COX7C: variants seen among roughly 807,000 people sequenced by gnomAD.
COX7C encodes cytochrome c oxidase subunit 7C, mitochondrial.
In COX7C, 1 loss-of-function variant was observed where a neutral mutation model predicts 6.4. That is an observed-to-expected ratio of 0.16 (90% CI 0.06 to 0.74). The LOEUF is 0.74. Among genes scored for constraint, COX7C ranks in the 30% least tolerant of loss-of-function variants. The probability of loss-of-function intolerance (pLI) is 0.78; values close to 1 mark genes in which losing one functional copy is unlikely to be tolerated. For missense variants in COX7C, 54 were observed against 73.7 expected, an observed-to-expected ratio of 0.73 and a Z score of 0.98; for synonymous variants, 24 against 28.9, an observed-to-expected ratio of 0.83 and a Z score of 0.54.
Position 86,618,029 on chromosome 5 carries a change from G to T in COX7C, c.-27G>T, listed in dbSNP as rs1750033947. ...CATTTCATCTGTCCTCATTCTCTGCGCCTTTCGCAGAGCTTCCAGCAGCGG... is the reference window on the plus strand; with the variant it reads ...CATTTCATCTGTCCTCATTCTCTGCTCCTTTCGCAGAGCTTCCAGCAGCGG... On this transcript the variant is annotated 5_prime_UTR_variant, in exon 1 of 3. Coordinates refer to ENST00000247655, the MANE Select transcript of COX7C (RefSeq NM_001867.3). The T allele has an allele frequency of 1.2e-6, 2 of 1,611,788 alleles. No homozygotes were observed. The highest frequency in any genetic ancestry group is 8.5e-7 in the Non-Finnish European group (1 of 1,179,048).
chr5:86,618,984 AAAAAAAAAAG>A (rs886464152), intron 1 of COX7C, among the ~76,000 whole-genome samples: 2 of 151,790 alleles, frequency 1.3e-5, no homozygotes, highest in Non-Finnish European at 2.9e-5. Context: ...GTCTCAAAAA[AAAAAAAAAAG>A]AAAAAAAAAG....
chr5:86,620,350 A>T (rs1750095521), intron 2 of COX7C: 2 of 160,490 alleles, frequency 1.2e-5, no homozygotes, highest in Non-Finnish European at 2.8e-5. Context: ...TTCATATTGG[A>T]AGGTTAGCAG....
At position 86,619,499 on chromosome 5, in the gene COX7C, A is replaced by G. The variant is rs1750073225; in HGVS notation, c.*27+3A>G. On this transcript the variant is annotated splice_donor_region_variant and intron_variant, in intron 2 of 2. Coordinates refer to ENST00000247655, the MANE Select transcript of COX7C (RefSeq NM_001867.3). The stretch of plus-strand genomic sequence containing the variant: ...GTTTCAGTTCCTCCATTTAACAGGT[A>G]GTTAGTGGATTTCTAATCATGTTAA... The G allele has an allele frequency of 3.6e-6, 5 of 1,392,966 alleles. No individual in the cohort carries two copies. The highest frequency in any genetic ancestry group is 5.1e-6 in the Non-Finnish European group (5 of 978,720). The allele number at this position is 1,392,966 out of a possible 1,614,324, so 86.3% of individuals were successfully genotyped here.
intron 2 of COX7C, 60 bp downstream of exon 2, chr5:86,619,556 C>T (rs908088582): frequency 2.4e-6 from 2 of 838,248 alleles, no homozygotes; most frequent in African/African-American, 3.3e-5. Context: ...GCCTCTTCCC[C>T]ATCACCCAGA....
Position 86,617,946 on chromosome 5 carries a change from C to G in COX7C, c.-110C>G. ...CCGCCCCATTTCCCATCTTTCTTTT[C>G]AGTCCTTGCGCACCGGGGAACAAGG... On this transcript the variant is annotated 5_prime_UTR_variant, in exon 1 of 3. Transcript: ENST00000247655. The G allele has an allele frequency of 2.1e-6, 2 of 966,088 alleles. No homozygotes were observed. Among genetic ancestry groups the G allele is most frequent in the South Asian group, 2.9e-5 (2 of 69,162 alleles). 59.8% of individuals were successfully genotyped at this position (966,088 alleles called of 1,614,324 possible). A position where few individuals can be genotyped will look rare whatever the true frequency, so the allele number is the denominator to read the frequency against.
rs560101369 is a variant in COX7C at position 86,618,046 on chromosome 5, C to T, written c.-10C>T. 8.1e-6 allele frequency: 13 copies of T among 1,613,438 alleles called. No individual in the cohort carries two copies. In the East Asian group the frequency reaches 1.8e-4, roughly 22 times the overall value. On this transcript the variant is annotated 5_prime_UTR_variant, in exon 1 of 3. Coordinates refer to ENST00000247655, the MANE Select transcript of COX7C (RefSeq NM_001867.3). ...TTCTCTGCGCCTTTCGCAGAGCTTC[C>T]AGCAGCGGTATGTTGGGCCAGAGCA...
At chr5:86,618,235 G>A in intron 1 of COX7C, 105 bp downstream of exon 1, 5 of 1,038,912 alleles carry the variant, frequency 4.8e-6, no homozygotes, top group East Asian at 2.4e-5. Context: ...ATGATAGCCA[G>A]AAACCAGGCT....
chr5:86,619,332 TTTTCTC>T lies in COX7C; in HGVS notation c.76-17_76-12del, dbSNP rs1346361159. 4.2e-6 allele frequency: 6 copies of T among 1,443,084 alleles called. No homozygotes were observed. Among genetic ancestry groups the T allele is most frequent in the Middle Eastern group, 2.3e-4 (1 of 4,298 alleles). 89.4% of individuals were successfully genotyped at this position (1,443,084 alleles called of 1,614,324 possible). A position where few individuals can be genotyped will look rare whatever the true frequency, so the allele number is the denominator to read the frequency against. ...GATTTGAGATTCAATTTCGATTACT[TTTTCTC>T]TTTTTTTCCAACAGAATTTGCCATT... On this transcript the variant is annotated splice_polypyrimidine_tract_variant and intron_variant, in intron 1 of 2. Coordinates refer to ENST00000247655, the MANE Select transcript of COX7C (RefSeq NM_001867.3).
rs138333497 is a variant in COX7C at position 86,618,152 on chromosome 5, C to T, written c.75+22C>T. 2.5e-4 allele frequency: 406 copies of T among 1,612,280 alleles called. 1 individual carries two copies. The highest frequency in any genetic ancestry group is 1.3e-3 in the Middle Eastern group (8 of 6,060). On this transcript the variant is annotated intron_variant, in intron 1 of 2. Transcript: ENST00000247655. Reference sequence around the variant, plus strand: ...GAAGGTTAGTGTGTAAGGGGCACGGCTTCGTTGGGGGAGGGGGCGCTTGGC... The same window carrying T: ...GAAGGTTAGTGTGTAAGGGGCACGGTTTCGTTGGGGGAGGGGGCGCTTGGC...
chr5:86,619,371 G>GA lies in COX7C; in HGVS notation c.98dup (p.Asn33LysfsTer8). 1.9e-6 allele frequency: 3 copies of GA among 1,612,248 alleles called. No individual in the cohort carries two copies. Among genetic ancestry groups the GA allele is most frequent in the Non-Finnish European group, 2.5e-6 (3 of 1,179,342 alleles). The stretch of plus-strand genomic sequence containing the variant: ...CCAACAGAATTTGCCATTTTCAGTG[G>GA]AAAACAAGTGGTCGTTACTAGCTAA... On this transcript the variant is annotated frameshift_variant, in exon 2 of 3. Transcript: ENST00000247655. LOFTEE classifies it high-confidence loss of function.
At chr5:86,618,210 G>A in intron 1 of COX7C, 80 bp downstream of exon 1, 3 of 1,332,114 alleles carry the variant, frequency 2.3e-6, no homozygotes, top group South Asian at 2.4e-5. Context: ...CCGCCTCCGG[G>A]CTGTGGCGTG....
At chr5:86,618,234 A>G (rs1306174791) in intron 1 of COX7C, 104 bp downstream of exon 1, 3 of 1,049,968 alleles carry the variant, frequency 2.9e-6, no homozygotes, top group African/African-American at 1.6e-5. Flanking sequence ...GATGATAGCC[A>G]GAAACCAGGC....
rs773771195 is a variant in COX7C at position 86,618,111 on chromosome 5, A to C, written c.56A>C (p.Tyr19Ser). The C allele has an allele frequency of 1.9e-6, 3 of 1,613,882 alleles. No individual in the cohort carries two copies. The highest frequency in any genetic ancestry group is 1.3e-5 in the African/African-American group (1 of 75,012). The change falls in exon 1 of 3, where the codon TAT (tyrosine) becomes TCT (serine). Residue 19 changes from tyrosine (Y) to serine (S), a missense_variant. Coordinates refer to ENST00000247655, the MANE Select transcript of COX7C (RefSeq NM_001867.3). ...FTTSVVRRSH[Y>S]EEGPGKNLPF... ...ACCTCTGTGGTCCGTAGGAGCCACT[A>C]TGAGGAGGGCCCTGGGAAGGTTAGT...
In COX7C at chr5:86,617,973, C is replaced by A. The variant is rs1024436409; in HGVS notation, c.-83C>A. 1.0e-5 allele frequency: 13 copies of A among 1,290,844 alleles called. No homozygotes were observed. The African/African-American group carries it at 1.5e-4, about 15-fold the overall frequency. The allele number at this position is 1,290,844 out of a possible 1,614,324, so 80.0% of individuals were successfully genotyped here. On this transcript the variant is annotated 5_prime_UTR_variant, in exon 1 of 3. Coordinates refer to ENST00000247655, the MANE Select transcript of COX7C (RefSeq NM_001867.3). ...GTCCTTGCGCACCGGGGAACAAGGT[C>A]GTGAAAAAAAAGGTCTTGGTGAGGT...
chr5:86,618,805 C>A (rs991355555), intron 1 of COX7C, among the ~76,000 whole-genome samples: 3 of 151,986 alleles, frequency 2.0e-5, no homozygotes, highest in African/African-American at 7.2e-5. Context: ...ATGGCGAAAC[C>A]CTGTCTCTAC....
intron 1 of COX7C, 76 bp downstream of exon 1, chr5:86,618,206 C>G (rs1222012074): frequency 4.6e-5 from 63 of 1,380,568 alleles, no homozygotes; most frequent in Non-Finnish European, 6.0e-5. Flanking sequence ...AAGGCCGCCT[C>G]CGGGCTGTGG....
At chr5:86,619,080 A>G (rs1462655359) in intron 1 of COX7C, among the ~76,000 whole-genome samples, 3 of 152,160 alleles carry the variant, frequency 2.0e-5, no homozygotes, top group Non-Finnish European at 2.9e-5. Context: ...GATTTTCTAA[A>G]GTAAGAAACT....
chr5:86,618,416 AC>A, intron 1 of COX7C: 2 of 431,416 alleles, frequency 4.6e-6, no homozygotes, highest in South Asian at 4.8e-5. Context: ...CCGGGAGGCC[AC>A]GGCTGTAGGT....
chr5:86,620,537 A>T (rs890155269), intron 2 of COX7C, 131 bp from the exon 3 acceptor site: 1 of 297,464 alleles, frequency 3.4e-6, no homozygotes, highest in Non-Finnish European at 7.4e-6. Context: ...AGTATGAATG[A>T]ATTCATGATA....
Sources: gnomAD v4.1 joint callset for allele counts (sites outside exome capture counted in the v4.1 genomes callset) on GRCh38, gnomAD v4.1.1 for gene constraint, MANE v1.5 for transcripts, NCBI Gene and HGNC (gene_info 2026-07-23, HGNC 2026-07-21) for gene names.